Variants in ZNRF3 observed in about 807,000 individuals in gnomAD.
ZNRF3 encodes E3 ubiquitin-protein ligase ZNRF3.
In ZNRF3, 23 loss-of-function variants were observed where a neutral mutation model predicts 72.5. The ratio of observed to expected loss-of-function variants is 0.32; its 90% confidence interval spans 0.23 to 0.45. ZNRF3 has a LOEUF of 0.45. ZNRF3 is among the 20% of genes least tolerant of loss of function. The pLI, the probability that ZNRF3 is intolerant of heterozygous loss-of-function variation, is 1.00. For synonymous variants in ZNRF3, 610 were observed against 545.3 expected (o/e 1.12, Z -1.65); for missense variants, 1,169 against 1,272.1 (o/e 0.92, Z 1.23).
intron 1 of ZNRF3, among the ~76,000 whole-genome samples, chr22:28,957,961 G>T (rs937253931): frequency 2.6e-5 from 4 of 151,892 alleles, no homozygotes; most frequent in Non-Finnish European, 5.9e-5. Context: ...GCCGAGGCGG[G>T]CGGATCACAA....
At chr22:29,023,819 G>A (rs1314959601) in intron 2 of ZNRF3, among the ~76,000 whole-genome samples, 1 of 152,120 alleles carries the variant, frequency 6.6e-6, no homozygotes, top group Non-Finnish European at 1.5e-5. Flanking sequence ...GATTTGTTTA[G>A]CCCCCAAATG....
At chr22:28,899,362 T>C (rs1293800797) in intron 1 of ZNRF3, among the ~76,000 whole-genome samples, 1 of 152,190 alleles carries the variant, frequency 6.6e-6, no homozygotes, top group East Asian at 1.9e-4. Context: ...TCTATACGAA[T>C]GTGGTGGTTT....
At chr22:29,008,798 A>G (rs942209754) in intron 2 of ZNRF3, among the ~76,000 whole-genome samples, 1 of 152,138 alleles carries the variant, frequency 6.6e-6, no homozygotes, top group African/African-American at 2.4e-5. Context: ...ATCTCGTACC[A>G]CTCGCAATTG....
intron 1 of ZNRF3, among the ~76,000 whole-genome samples, chr22:28,978,827 T>G (rs2035718235): frequency 6.6e-6 from 1 of 152,336 alleles, no homozygotes; most frequent in Non-Finnish European, 1.5e-5. Context: ...GCAGAATAAT[T>G]TATTGACCTC....
chr22:29,034,127 C>G (rs761773633), intron 2 of ZNRF3, among the ~76,000 whole-genome samples: 6 of 152,188 alleles, frequency 3.9e-5, no homozygotes, highest in Non-Finnish European at 7.3e-5. Context: ...ACCTCAGTGT[C>G]TTCATGCTGC....
Position 29,053,679 on chromosome 22 carries a change from T to C in ZNRF3, c.*57T>C. The C allele has an allele frequency of 6.6e-7, 1 of 1,526,248 alleles. No homozygotes were observed. Among genetic ancestry groups the C allele is most frequent in the Non-Finnish European group, 8.9e-7 (1 of 1,129,804 alleles). The allele number at this position is 1,526,248 out of a possible 1,614,324, so 94.5% of individuals were successfully genotyped here. A position where few individuals can be genotyped will look rare whatever the true frequency, so the allele number is the denominator to read the frequency against. ...AACTGTATGGAGACTCCAAACTGAC[T>C]TCTTTCAAAAAACAAAAACAAAAAA... On this transcript the variant is annotated 3_prime_UTR_variant, in exon 9 of 9. Transcript: ENST00000544604.
At chr22:28,907,262 G>T (rs1178818490) in intron 1 of ZNRF3, among the ~76,000 whole-genome samples, 1 of 151,756 alleles carries the variant, frequency 6.6e-6, no homozygotes, top group Non-Finnish European at 1.5e-5. Context: ...CAAAGTGCTA[G>T]GATTACAGGC....
At chr22:28,968,866 G>A (rs905125939) in intron 1 of ZNRF3, among the ~76,000 whole-genome samples, 2 of 152,084 alleles carry the variant, frequency 1.3e-5, no homozygotes, top group African/African-American at 2.4e-5. Context: ...AGTTCGTTTG[G>A]AGGAAATGGT....
intron 2 of ZNRF3, chr22:29,031,261 C>T (rs2036746097): frequency 6.6e-6 from 1 of 152,248 alleles, no homozygotes; most frequent in Admixed American, 6.5e-5. Flanking sequence ...CTCCTCATCC[C>T]CACCCTAGTA....
At chr22:28,999,267 G>A (rs2123840139) in intron 2 of ZNRF3, among the ~76,000 whole-genome samples, 1 of 152,214 alleles carries the variant, frequency 6.6e-6, no homozygotes, top group South Asian at 2.1e-4. Context: ...CTGGGAGGTG[G>A]GGGTTGCAGT....
chr22:29,053,724 C>A lies in ZNRF3; in HGVS notation c.*102C>A. ...AAAAAATTTTTTTAGCTTTGACAAA[C>A]ACACAAAAGTGGTAATAAAGAGAGC... On this transcript the variant is annotated 3_prime_UTR_variant, in exon 9 of 9. Transcript: ENST00000544604. The A allele has an allele frequency of 8.1e-7, 1 of 1,241,164 alleles. No individual in the cohort carries two copies. The allele number at this position is 1,241,164 out of a possible 1,614,324, so 76.9% of individuals were successfully genotyped here.
Position 29,053,704 on chromosome 22 carries a change from A to AT in ZNRF3, c.*89dup. 4 of 1,435,990 alleles carry AT rather than the reference A, an allele frequency of 2.8e-6. No homozygotes were observed. In the Admixed American group the frequency reaches 6.6e-5, roughly 24 times the overall value. The allele number at this position is 1,435,990 out of a possible 1,614,324, so 89.0% of individuals were successfully genotyped here. A position where few individuals can be genotyped will look rare whatever the true frequency, so the allele number is the denominator to read the frequency against. On this transcript the variant is annotated 3_prime_UTR_variant, in exon 9 of 9. Coordinates refer to ENST00000544604, the MANE Select transcript of ZNRF3 (RefSeq NM_001206998.2). ...TTCTTTCAAAAAACAAAAACAAAAA[A>AT]TTTTTTTAGCTTTGACAAACACACA...
intron 2 of ZNRF3, among the ~76,000 whole-genome samples, chr22:29,001,821 G>T (rs1173648641): frequency 6.6e-6 from 1 of 152,044 alleles, no homozygotes; most frequent in African/African-American, 2.4e-5. Context: ...TTCTTTGGTT[G>T]CTTGTGCTTT....
chr22:28,905,627 A>G (rs545209376), intron 1 of ZNRF3, among the ~76,000 whole-genome samples: 43 of 152,180 alleles, frequency 2.8e-4, no homozygotes, highest in Non-Finnish European at 5.6e-4. Context: ...GAAACAATCC[A>G]AATTACTGAA....
At chr22:28,908,337 T>C (rs949059147) in intron 1 of ZNRF3, among the ~76,000 whole-genome samples, 2 of 152,204 alleles carry the variant, frequency 1.3e-5, no homozygotes, top group Non-Finnish European at 2.9e-5. Context: ...CTTGGTGGCC[T>C]CCTTTTGTCC....
intron 1 of ZNRF3, among the ~76,000 whole-genome samples, chr22:28,904,696 G>C (rs769048429): frequency 2.0e-5 from 3 of 151,944 alleles, no homozygotes; most frequent in Non-Finnish European, 4.4e-5. Flanking sequence ...TTCCTTTGCA[G>C]CTTTGGCGAA....
At chr22:29,035,878 C>T (rs115122453) in intron 2 of ZNRF3, among the ~76,000 whole-genome samples, 3 of 152,144 alleles carry the variant, frequency 2.0e-5, no homozygotes, top group Admixed American at 2.0e-4. Flanking sequence ...CTGCGCCCGG[C>T]CTTAAACGAT....
rs1333486174 is a variant in ZNRF3, at chr22:28,911,448, G to T, written c.300+27382G>T. On this transcript the variant is annotated intron_variant, in intron 1 of 8. Transcript: ENST00000544604. ...ACAGCAGTCGGCAGGCTTATTCAGG[G>T]GCAGTTTTCCAGCAGTCACTCCTCT... 2.6e-5 allele frequency among the ~76,000 whole-genome samples: 4 copies of T among 152,164 alleles called. No individual in the cohort carries two copies. In the East Asian group the frequency reaches 7.7e-4, roughly 29 times the overall value.
intron 2 of ZNRF3, among the ~76,000 whole-genome samples, chr22:29,006,551 T>C (rs5997427): frequency 0.13 from 20,306 of 152,148 alleles, 2,007 homozygotes; most frequent in African/African-American, 0.28. Flanking sequence ...TCTTTCCTTA[T>C]CGTTCCTGGT....
Sources: gnomAD v4.1 joint callset for allele counts (sites outside exome capture counted in the v4.1 genomes callset) on GRCh38, gnomAD v4.1.1 for gene constraint, MANE v1.5 for transcripts, NCBI Gene and HGNC (gene_info 2026-07-23, HGNC 2026-07-21) for gene names.